Variants in ATF3 observed in about 807,000 individuals in gnomAD.
ATF3 encodes activating transcription factor 3, also known as cyclic AMP-dependent transcription factor ATF-3.
ATF3 carries 10 observed loss-of-function variants against 18.4 expected under a neutral mutation model. The ratio of observed to expected loss-of-function variants is 0.54; its 90% CI spans 0.34 to 0.92. The LOEUF is 0.92. ATF3 is among the 40% of genes least tolerant of loss of function. The pLI is 0.02. For missense variants in ATF3, 183 were observed against 222.3 expected (o/e 0.82, Z 1.12); for synonymous variants, 78 against 87.9 (o/e 0.89, Z 0.63).
At chr1:212,576,016 C>T (rs1464252255) in intron 1 of ATF3, among the ~76,000 whole-genome samples, 5 of 151,944 alleles carry the variant, frequency 3.3e-5, no homozygotes, top group African/African-American at 1.2e-4. Flanking sequence ...TTCCTCCTAC[C>T]CTCTGAAAGA....
Position 212,580,861 on chromosome 1 carries a change from C to T in ATF3, c.-5+15378C>T, listed in dbSNP as rs879722363. Among the ~76,000 whole-genome samples, 29 of 152,284 alleles carry T rather than the reference C, an allele frequency of 1.9e-4. 1 individual carries two copies. The highest frequency in any genetic ancestry group is 4.6e-4 in the Admixed American group (7 of 15,304). Reference sequence around the variant, plus strand: ...TCAGCTTACTGCAACCTTCACCTCCCGGGTTCAAGTGATTCTCCCACCTCA... The same window carrying T: ...TCAGCTTACTGCAACCTTCACCTCCTGGGTTCAAGTGATTCTCCCACCTCA... On this transcript the variant is annotated intron_variant, in intron 1 of 3. Transcript: ENST00000366981.
Position 212,616,160 on chromosome 1 carries a change from G to A in ATF3, c.240+899G>A, listed in dbSNP as rs183791540. On this transcript the variant is annotated intron_variant, in intron 2 of 3. Transcript: ENST00000341491. ...AGAGTATAGGGGTGGGAGATAAATA[G>A]GGGCTGGTCATATTGGGTCTTACAG... Among the ~76,000 whole-genome samples the A allele has an allele frequency of 2.0e-5, 3 of 152,126 alleles. No individual in the cohort carries two copies. The East Asian group carries it at 5.8e-4, about 30-fold the overall frequency.
At chr1:212,580,307 T>C (rs983587393) in intron 1 of ATF3, among the ~76,000 whole-genome samples, 3 of 152,008 alleles carry the variant, frequency 2.0e-5, no homozygotes, top group South Asian at 4.1e-4. Context: ...TTTTCACTAC[T>C]GTTTACTTTC....
upstream of ATF3, among the ~76,000 whole-genome samples, chr1:212,607,398 C>T (rs1264465026): frequency 9.2e-5 from 14 of 152,254 alleles, no homozygotes; most frequent in Admixed American, 9.2e-4. Context: ...TACAAATAGT[C>T]ATCCACGGGC....
At chr1:212,582,539 T>A (rs975952351) in intron 1 of ATF3, among the ~76,000 whole-genome samples, 1 of 152,194 alleles carries the variant, frequency 6.6e-6, no homozygotes, top group African/African-American at 2.4e-5. Context: ...GTCATGGGAT[T>A]CACCTTTTGC....
At chr1:212,576,874 C>T (rs565792312) in intron 1 of ATF3, among the ~76,000 whole-genome samples, 8 of 150,738 alleles carry the variant, frequency 5.3e-5, no homozygotes, top group Non-Finnish European at 8.9e-5. Context: ...ATTACAGGCA[C>T]GTGCCATCAC....
At position 212,577,775 on chromosome 1, in the gene ATF3, GAAT is replaced by G. The variant is rs780152856; in HGVS notation, c.-5+12297_-5+12299del. Among the ~76,000 whole-genome samples, 14 of 152,184 alleles carry G rather than the reference GAAT, an allele frequency of 9.2e-5. No homozygotes were observed. The East Asian group carries it at 1.5e-3, about 17-fold the overall frequency. ...AGGATTTGTTTCTTTTTTCACAGCTGAATAATATTTCATTGTGTACATATACCA... is the reference window on the plus strand; with the variant it reads ...AGGATTTGTTTCTTTTTTCACAGCTGAATATTTCATTGTGTACATATACCA... On this transcript the variant is annotated intron_variant, in intron 1 of 3. Coordinates refer to the ATF3 transcript ENST00000366981.
At chr1:212,586,834 T>G (rs932480530) in intron 1 of ATF3, among the ~76,000 whole-genome samples, 1 of 152,232 alleles carries the variant, frequency 6.6e-6, no homozygotes, top group South Asian at 2.1e-4. Context: ...AGGTCAGTGC[T>G]GCAACCTTAA....
In ATF3 at chr1:212,599,764, G is replaced by A. The variant is rs2102640633; in HGVS notation, c.-4-15254G>A. The stretch of plus-strand genomic sequence containing the variant: ...CTATGCTCTATAACATCTGAGATAG[G>A]GGCATTCCTCCCCTCTCCATCTATC... On this transcript the variant is annotated intron_variant, in intron 1 of 3. Transcript: ENST00000366981. Among the ~76,000 whole-genome samples the A allele has an allele frequency of 1.3e-5, 2 of 152,226 alleles. 1 individual carries two copies. The highest frequency in any genetic ancestry group is 4.1e-4 in the South Asian group (2 of 4,822).
intron 1 of ATF3, among the ~76,000 whole-genome samples, chr1:212,572,208 C>G (rs1035003007): frequency 5.3e-5 from 8 of 152,088 alleles, no homozygotes; most frequent in African/African-American, 1.9e-4. Context: ...TCTCATCATT[C>G]CTTTTCATGT....
At chr1:212,594,820 G>C (rs1337131740) in intron 1 of ATF3, among the ~76,000 whole-genome samples, 2 of 152,222 alleles carry the variant, frequency 1.3e-5, no homozygotes, top group Non-Finnish European at 2.9e-5. Flanking sequence ...GCCCCTTACA[G>C]GCCTACAGGT....
intron 1 of ATF3, among the ~76,000 whole-genome samples, chr1:212,600,117 C>T (rs1654440514): frequency 6.6e-6 from 1 of 152,238 alleles, no homozygotes; most frequent in Non-Finnish European, 1.5e-5. Context: ...ATACCACCAT[C>T]TTCACAGTTC....
chr1:212,618,807 G>T lies in ATF3; in HGVS notation c.349-551G>T. ...CTTTTGTGGGCAAGCAGGGTGGCCG[G>T]TGGTGCTCAGCAGTCTTTCCAGTGG... On this transcript the variant is annotated intron_variant, in intron 3 of 3. Transcript: ENST00000341491. This position sits in a 1 kb window ranked among gnomAD's most constrained non-coding sequence, Gnocchi z 4.4. The T allele has an allele frequency of 1.7e-6, 1 of 591,466 alleles. No homozygotes were observed. Among genetic ancestry groups the T allele is most frequent in the Non-Finnish European group, 3.0e-6 (1 of 334,252 alleles). The allele number at this position is 591,466 out of a possible 1,614,324, so 36.6% of individuals were successfully genotyped here. A position where few individuals can be genotyped will look rare whatever the true frequency, so the allele number is the denominator to read the frequency against.
chr1:212,585,844 CAA>C (rs138884956), intron 1 of ATF3, among the ~76,000 whole-genome samples: 1,708 of 152,128 alleles, frequency 0.011, 38 homozygotes, highest in African/African-American at 0.04. Flanking sequence ...GCCCTGGTGC[CAA>C]GAGAGAGAGG....
At chr1:212,568,973 T>C (rs778639433) in intron 1 of ATF3, among the ~76,000 whole-genome samples, 1 of 152,236 alleles carries the variant, frequency 6.6e-6, no homozygotes, top group Non-Finnish European at 1.5e-5. Flanking sequence ...AAAATACTTG[T>C]AAATTTAATA....
intron 1 of ATF3, among the ~76,000 whole-genome samples, chr1:212,591,807 G>A (rs907691049): frequency 6.6e-6 from 1 of 152,008 alleles, no homozygotes; most frequent in Non-Finnish European, 1.5e-5. Flanking sequence ...GGTAGGATGG[G>A]CATTTTTTAA....
intron 1 of ATF3, among the ~76,000 whole-genome samples, chr1:212,594,319 AG>A (rs1401392111): frequency 1.3e-5 from 2 of 152,210 alleles, no homozygotes; most frequent in Non-Finnish European, 2.9e-5. Flanking sequence ...GCAACTTTCT[AG>A]CTGGGATTCA....
chr1:212,607,514 G>A (rs1654670939), upstream of ATF3, among the ~76,000 whole-genome samples: 1 of 152,260 alleles, frequency 6.6e-6, no homozygotes. Context: ...GTTCTGCTGA[G>A]GTCTCAGCTC....
rs558830925 is a variant in ATF3 at position 212,615,316 on chromosome 1, T to C, written c.240+55T>C. 7.0e-6 allele frequency: 11 copies of C among 1,579,556 alleles called. No homozygotes were observed. The African/African-American group carries it at 7.2e-5, about 10-fold the overall frequency. On this transcript the variant is annotated intron_variant, in intron 2 of 3. Transcript: ENST00000341491. ...CGGCACATGTTTCGCTCGCAGCCAC[T>C]GTGTGTTGGGCATGTTCTAGGCAGG...
Sources: gnomAD v4.1 joint callset for allele counts (sites outside exome capture counted in the v4.1 genomes callset) on GRCh38, gnomAD v4.1.1 for gene constraint, Gnocchi (gnomAD v3.1) non-coding constraint, MANE v1.5 for transcripts, NCBI Gene and HGNC (gene_info 2026-07-23, HGNC 2026-07-21) for gene names.